The following RBM46 variants were observed in gnomAD, a reference collection of about 807,000 sequenced individuals.
RBM46 encodes the protein RNA binding motif protein 46, also known as probable RNA-binding protein 46.
Under a neutral mutation model 43.3 loss-of-function variants are expected in RBM46, and 12 were observed. The observed-to-expected ratio is 0.28, with a 90% CI of 0.18 to 0.45. The LOEUF is 0.45. RBM46 is among the 20% of genes least tolerant of loss of function. The pLI is 1.00. For synonymous variants in RBM46, 205 were observed against 207.6 expected, an observed-to-expected ratio of 0.99 and a Z score of 0.11; for missense variants, 412 against 639.1, an observed-to-expected ratio of 0.64 and a Z score of 3.83.
chr4:154,823,479 AGAG>A (rs1215768695), intron 4 of RBM46, among the ~76,000 whole-genome samples: 2 of 151,886 alleles, frequency 1.3e-5, no homozygotes, highest in African/African-American at 4.8e-5. Context: ...ATTAGTCTAA[AGAG>A]TATCTAGTCA....
chr4:154,799,984 G>A (rs897065093), intron 4 of RBM46, among the ~76,000 whole-genome samples: 1 of 151,970 alleles, frequency 6.6e-6, no homozygotes, highest in Non-Finnish European at 1.5e-5. Flanking sequence ...TGTTAGCTAG[G>A]ATGGTCTCGA....
intron 4 of RBM46, among the ~76,000 whole-genome samples, chr4:154,806,082 T>C (rs1239814249): frequency 6.6e-6 from 1 of 151,882 alleles, no homozygotes; most frequent in Non-Finnish European, 1.5e-5. Context: ...CAACTATGTG[T>C]CTTTGACCCT....
At chr4:154,789,249 G>T (rs1435576335) in intron 1 of RBM46, among the ~76,000 whole-genome samples, 1 of 152,134 alleles carries the variant, frequency 6.6e-6, no homozygotes, top group Non-Finnish European at 1.5e-5. Flanking sequence ...TCCCTGTCTT[G>T]TGCCAGTTTT....
chr4:154,783,315 CAAG>C (rs139498929), intron 1 of RBM46, among the ~76,000 whole-genome samples: 1,920 of 152,120 alleles, frequency 0.013, 16 homozygotes, highest in Non-Finnish European at 0.023. Flanking sequence ...TATTATGAAA[CAAG>C]AATTATTAAT....
intron 1 of RBM46, among the ~76,000 whole-genome samples, chr4:154,783,808 TCA>T (rs1279486804): frequency 1.3e-5 from 2 of 152,248 alleles, no homozygotes; most frequent in African/African-American, 4.8e-5. Flanking sequence ...AAATGTGCTC[TCA>T]TTCTTTAATA....
chr4:154,807,450 T>A (rs986334593), intron 4 of RBM46, among the ~76,000 whole-genome samples: 2 of 151,834 alleles, frequency 1.3e-5, no homozygotes, highest in Admixed American at 1.3e-4. Flanking sequence ...GACAATTTTT[T>A]ATGCTGTAGC....
chr4:154,827,721 A>G (rs1736031533), intron 4 of RBM46, 147 bp from the exon 5 acceptor site: 24 of 1,467,300 alleles, frequency 1.6e-5, no homozygotes, highest in Non-Finnish European at 2.1e-5. Context: ...TGCTGAAATA[A>G]TCTTTAACCA....
At chr4:154,801,147 T>A (rs1478169459) in intron 4 of RBM46, among the ~76,000 whole-genome samples, 1 of 151,936 alleles carries the variant, frequency 6.6e-6, no homozygotes, top group Admixed American at 6.6e-5. Flanking sequence ...CCCGGCTAAT[T>A]TTTGTATTTT....
intron 4 of RBM46, among the ~76,000 whole-genome samples, chr4:154,822,685 A>G (rs145864179): frequency 1.3e-5 from 2 of 151,854 alleles, no homozygotes; most frequent in Admixed American, 6.6e-5. Flanking sequence ...AAATGGTACA[A>G]TGAGGATTTT....
chr4:154,819,308 C>A (rs998226857), intron 4 of RBM46, among the ~76,000 whole-genome samples: 2 of 152,160 alleles, frequency 1.3e-5, no homozygotes, highest in African/African-American at 4.8e-5. Context: ...TACTCAGTTC[C>A]AGTCATTCCT....
intron 4 of RBM46, among the ~76,000 whole-genome samples, chr4:154,808,209 A>G (rs916898568): frequency 6.6e-6 from 1 of 152,012 alleles, no homozygotes; most frequent in Non-Finnish European, 1.5e-5. Context: ...TCTGTACACA[A>G]ATTCAAGGGA....
chr4:154,814,870 A>C (rs1735351813), intron 4 of RBM46, among the ~76,000 whole-genome samples: 1 of 151,676 alleles, frequency 6.6e-6, no homozygotes, highest in African/African-American at 2.4e-5. Flanking sequence ...TTAAGCTATA[A>C]CATTACATAC....
Position 154,799,222 on chromosome 4 carries a change from C to T in RBM46, c.1060C>T (p.Leu354Phe). Residue 354 changes from leucine (L) to phenylalanine (F), a missense_variant, in exon 4 of 5, where the codon CTC (leucine) becomes TTC (phenylalanine). Physicochemically the swap from Leu to Phe is conservative, Grantham distance 22 (BLOSUM62 0). This residue lies in a region of RBM46 where 105 missense variants were observed against 111.0 expected (regional missense o/e 0.95). Transcript: ENST00000281722. The stretch of plus-strand genomic sequence containing the variant: ...CAAGCTGCCAACTCTTCCTGCTCGT[C>T]TCAATGGTCAGCATAGCCCAAGTCC... ...LGKLPTLPAR[L>F]NGQHSPSPPE... is the part of the protein sequence containing the mutation. The T allele has an allele frequency of 6.2e-7, 1 of 1,614,162 alleles. No individual in the cohort carries two copies. Among genetic ancestry groups the T allele is most frequent in the African/African-American group, 1.3e-5 (1 of 75,056 alleles).
At chr4:154,826,924 C>T (rs1267964693) in intron 4 of RBM46, 19 of 1,321,256 alleles carry the variant, frequency 1.4e-5, no homozygotes, top group African/African-American at 3.0e-5. Flanking sequence ...CTTACCTGTA[C>T]ATTAGATGAC....
At chr4:154,798,708 A>G in intron 3 of RBM46, 74 bp from the exon 4 acceptor site, 1 of 1,168,260 alleles carries the variant, frequency 8.6e-7, no homozygotes, top group Non-Finnish European at 1.1e-6. Flanking sequence ...TCTCTGGGGA[A>G]ACAGTTTTAC....
chr4:154,782,835 C>T (rs766179311), intron 1 of RBM46, among the ~76,000 whole-genome samples: 2 of 152,022 alleles, frequency 1.3e-5, no homozygotes, highest in Admixed American at 6.6e-5. Flanking sequence ...TTGAGAATGG[C>T]GTTATAACCA....
intron 4 of RBM46, among the ~76,000 whole-genome samples, chr4:154,811,164 C>T (rs1383770303): frequency 1.3e-5 from 2 of 152,110 alleles, no homozygotes; most frequent in African/African-American, 4.8e-5. Flanking sequence ...ATTGGATGAC[C>T]TGACCTAAAC....
intron 1 of RBM46, among the ~76,000 whole-genome samples, chr4:154,786,359 G>T (rs776363338): frequency 6.6e-6 from 1 of 151,980 alleles, no homozygotes; most frequent in South Asian, 2.1e-4. Flanking sequence ...AAAGTGCTGG[G>T]ATTACAGGCG....
intron 1 of RBM46, among the ~76,000 whole-genome samples, chr4:154,787,505 A>G (rs545907734): frequency 2.9e-4 from 44 of 152,124 alleles, no homozygotes; most frequent in African/African-American, 1.1e-3. Flanking sequence ...CCTACAAAGG[A>G]CATGAACTCA....
Sources: allele counts gnomAD v4.1 joint callset (sites outside exome capture counted in the v4.1 genomes callset), GRCh38; gene constraint gnomAD v4.1.1; regional missense constraint gnomAD v4.1.1; transcripts MANE v1.5; gene names NCBI Gene and HGNC (gene_info 2026-07-23, HGNC 2026-07-21).